Variants in CSMD1 observed in about 807,000 individuals in gnomAD.
CSMD1 encodes CUB and Sushi multiple domains 1, also known as CUB and sushi domain-containing protein 1.
CSMD1 carries 213 observed loss-of-function variants against 417.5 expected under a neutral mutation model. The observed-to-expected ratio is 0.51, with a 90% CI of 0.46 to 0.57. The LOEUF is 0.57. Among genes scored for constraint, CSMD1 ranks in the 20% least tolerant of loss-of-function variants. The pLI is 0.00. For missense variants in CSMD1, 6,923 were observed against 4,529.7 expected, an observed-to-expected ratio of 1.53 and a Z score of -15.17; for synonymous variants, 2,862 against 1,736.8, an observed-to-expected ratio of 1.65 and a Z score of -16.11.
intron 2 of CSMD1, among the ~76,000 whole-genome samples, chr8:4,577,412 G>A (rs1398568478): frequency 2.0e-5 from 3 of 152,136 alleles, no homozygotes; most frequent in African/African-American, 4.8e-5. Flanking sequence ...TCGGGGAAAT[G>A]TTCTTGGACA....
At chr8:3,625,274 G>A (rs982482504) in intron 7 of CSMD1, among the ~76,000 whole-genome samples, 1 of 152,142 alleles carries the variant, frequency 6.6e-6, no homozygotes, top group Admixed American at 6.5e-5. Flanking sequence ...GAAGTAAGTT[G>A]CTCAGCACAT....
chr8:3,999,839 T>G (rs539290040), intron 4 of CSMD1, among the ~76,000 whole-genome samples: 1 of 152,302 alleles, frequency 6.6e-6, no homozygotes, highest in East Asian at 1.9e-4. Flanking sequence ...TTAGCCAGTC[T>G]GTGACTCCCA....
chr8:4,586,878 A>G (rs1020520821), intron 2 of CSMD1, among the ~76,000 whole-genome samples: 3 of 152,316 alleles, frequency 2.0e-5, no homozygotes, highest in East Asian at 1.9e-4. Flanking sequence ...AGTATCTGGC[A>G]TAGTATTTGA....
At chr8:3,184,533 A>C (rs1028896138) in intron 36 of CSMD1, among the ~76,000 whole-genome samples, 3 of 152,220 alleles carry the variant, frequency 2.0e-5, no homozygotes, top group Non-Finnish European at 4.4e-5. Flanking sequence ...ATAGCCATCA[A>C]CTGAGCTTCA....
At chr8:3,229,405 C>G (rs977560578) in intron 27 of CSMD1, among the ~76,000 whole-genome samples, 1 of 152,136 alleles carries the variant, frequency 6.6e-6, no homozygotes, top group Non-Finnish European at 1.5e-5. Flanking sequence ...CCTGCAATTA[C>G]TATTTTACAT....
intron 1 of CSMD1, among the ~76,000 whole-genome samples, chr8:4,702,938 T>G (rs951375696): frequency 1.6e-4 from 24 of 152,194 alleles, no homozygotes; most frequent in African/African-American, 5.8e-4. Flanking sequence ...AATGACAAAA[T>G]TACCCTTAGG....
At chr8:4,362,334 G>C (rs766112063) in intron 3 of CSMD1, among the ~76,000 whole-genome samples, 4 of 152,136 alleles carry the variant, frequency 2.6e-5, no homozygotes, top group Non-Finnish European at 5.9e-5. Context: ...ACTGAACCTT[G>C]AGACCCCAAG....
Position 4,535,341 on chromosome 8 carries a change from A to G in CSMD1, c.302+102001T>C, listed in dbSNP as rs759513292. Among the ~76,000 whole-genome samples, 2 of 152,146 alleles carry G rather than the reference A, an allele frequency of 1.3e-5. 1 individual carries two copies. On this transcript the variant is annotated intron_variant, in intron 2 of 69. Transcript: ENST00000635120. ...TATGTAGTTATAGAGAAAGTATCTT[A>G]TTTTAGTTTATTTATTGCTATTTTT...
At chr8:3,614,785 T>C (rs1313641046) in intron 8 of CSMD1, among the ~76,000 whole-genome samples, 1 of 152,158 alleles carries the variant, frequency 6.6e-6, no homozygotes, top group African/African-American at 2.4e-5. Flanking sequence ...TTTTAGTCAC[T>C]GAGGATGCAA....
intron 10 of CSMD1, among the ~76,000 whole-genome samples, chr8:3,532,301 G>C (rs1233580792): frequency 6.6e-6 from 1 of 152,138 alleles, no homozygotes; most frequent in Non-Finnish European, 1.5e-5. Context: ...TCACTGGCTG[G>C]CTCTTCTGGG....
At chr8:3,773,424 C>G (rs562299033) in intron 5 of CSMD1, among the ~76,000 whole-genome samples, 4 of 151,992 alleles carry the variant, frequency 2.6e-5, no homozygotes, top group Non-Finnish European at 5.9e-5. Flanking sequence ...GTAGCTGGGA[C>G]GACAGTCATG....
chr8:4,332,284 C>T (rs1466797874), intron 3 of CSMD1, among the ~76,000 whole-genome samples: 1 of 152,126 alleles, frequency 6.6e-6, no homozygotes, highest in Non-Finnish European at 1.5e-5. Flanking sequence ...GGCTGTGCTC[C>T]AAGCCTCTCT....
At chr8:4,200,194 G>C (rs1267049231) in intron 3 of CSMD1, among the ~76,000 whole-genome samples, 2 of 152,148 alleles carry the variant, frequency 1.3e-5, no homozygotes, top group Non-Finnish European at 2.9e-5. Flanking sequence ...ACAAAATCCA[G>C]TTAAATGTTA....
chr8:3,592,461 T>A (rs573536529), intron 8 of CSMD1, among the ~76,000 whole-genome samples: 85 of 152,230 alleles, frequency 5.6e-4, no homozygotes, highest in African/African-American at 2.0e-3. Context: ...GAGGAAACCT[T>A]TTCTTCAGCG....
chr8:3,843,928 C>G (rs1300825895), intron 5 of CSMD1, among the ~76,000 whole-genome samples: 1 of 152,084 alleles, frequency 6.6e-6, no homozygotes, highest in Non-Finnish European at 1.5e-5. Context: ...CCATTGCATG[C>G]GCACAAGGTT....
At chr8:4,247,286 C>T (rs914314647) in intron 3 of CSMD1, among the ~76,000 whole-genome samples, 2 of 152,084 alleles carry the variant, frequency 1.3e-5, no homozygotes, top group Non-Finnish European at 2.9e-5. Flanking sequence ...CTTAGATAAT[C>T]AATGGGTGGT....
intron 3 of CSMD1, among the ~76,000 whole-genome samples, chr8:4,281,189 A>G (rs1021839237): frequency 6.6e-6 from 1 of 152,164 alleles, no homozygotes; most frequent in South Asian, 2.1e-4. Flanking sequence ...TGTAAATAAA[A>G]TGGACCTGGA....
chr8:4,757,238 C>T (rs1811723132), intron 1 of CSMD1, among the ~76,000 whole-genome samples: 1 of 152,180 alleles, frequency 6.6e-6, no homozygotes, highest in African/African-American at 2.4e-5. Context: ...GAGAAAACAA[C>T]TTGCAATTGA....
chr8:4,624,627 G>A (rs1286887321), intron 2 of CSMD1, among the ~76,000 whole-genome samples: 1 of 152,118 alleles, frequency 6.6e-6, no homozygotes, highest in Non-Finnish European at 1.5e-5. Flanking sequence ...TCACATTTTT[G>A]CCTGGCAACG....
Sources: gnomAD v4.1 joint callset for allele counts (sites outside exome capture counted in the v4.1 genomes callset) on GRCh38, gnomAD v4.1.1 for gene constraint, MANE v1.5 for transcripts, NCBI Gene and HGNC (gene_info 2026-07-23, HGNC 2026-07-21) for gene names.